Variants in CENPC observed in about 807,000 individuals in gnomAD.
CENPC encodes the protein CENP-C 1.
A neutral mutation model predicts 112.1 loss-of-function variants in CENPC; 63 were observed. The observed-to-expected ratio is 0.56, with a 90% confidence interval of 0.46 to 0.69. The LOEUF is 0.69. Ranked by LOEUF, CENPC falls within the 30% of genes least tolerant of loss-of-function variation. The probability of loss-of-function intolerance (pLI) is 0.00; values close to 1 mark genes in which losing one functional copy is unlikely to be tolerated. For synonymous variants in CENPC, 333 were observed against 367.6 expected (o/e 0.91, Z 1.08); for missense variants, 1,000 against 1,103.8 (o/e 0.91, Z 1.33).
At chr4:67,497,871 A>T (rs1725484717) in intron 12 of CENPC, among the ~76,000 whole-genome samples, 1 of 152,014 alleles carries the variant, frequency 6.6e-6, no homozygotes, top group Non-Finnish European at 1.5e-5. Context: ...TTAAATGTGC[A>T]AGAGCATTAT....
intron 12 of CENPC, among the ~76,000 whole-genome samples, chr4:67,496,018 A>G (rs1454360984): frequency 6.6e-6 from 1 of 152,226 alleles, no homozygotes; most frequent in Non-Finnish European, 1.5e-5. Flanking sequence ...CTGGGGCTTA[A>G]AAGGCTAAGT....
chr4:67,531,312 C>G (rs182922204), intron 4 of CENPC, among the ~76,000 whole-genome samples: 52 of 152,122 alleles, frequency 3.4e-4, no homozygotes, highest in African/African-American at 1.2e-3. Context: ...AAGTACATAA[C>G]AATCTTATCT....
At chr4:67,505,400 A>G in intron 11 of CENPC, 116 bp from the exon 12 acceptor site, 2 of 649,202 alleles carry the variant, frequency 3.1e-6, no homozygotes. Flanking sequence ...TATAAAACCA[A>G]TAGTGATGTT....
chr4:67,491,893 C>G (rs1725292894), intron 16 of CENPC, among the ~76,000 whole-genome samples: 1 of 152,156 alleles, frequency 6.6e-6, no homozygotes, highest in Non-Finnish European at 1.5e-5. Flanking sequence ...TCCTCCTGGT[C>G]AAAGAAGGCC....
In CENPC at chr4:67,508,863, C is replaced by T. The variant is rs369228189; in HGVS notation, c.1855G>A (p.Glu619Lys). Residue 619 changes from glutamate to lysine, a missense_variant, in exon 10 of 19, where the codon GAA becomes AAA. Physicochemically the swap from Glu to Lys is moderately conservative, Grantham distance 56 (BLOSUM62 1). Coordinates refer to ENST00000273853, the MANE Select transcript of CENPC (RefSeq NM_001812.4). The part of the protein sequence containing the change: ...ISRCSLSEPL[E>K]SDEADLAKKK... ...TTAGCCAAGTCTGCCTCATCACTTT[C>T]CAATGGCTCACTCAGCGAACATCTG... is the stretch of plus-strand genomic sequence containing the variant. The T allele has an allele frequency of 4.3e-6, 7 of 1,613,620 alleles. No individual in the cohort carries two copies. The highest frequency in any genetic ancestry group is 5.1e-6 in the Non-Finnish European group (6 of 1,179,722).
chr4:67,484,851 T>TGGGAGGCCTA (rs1159325428), intron 17 of CENPC, among the ~76,000 whole-genome samples: 5 of 152,194 alleles, frequency 3.3e-5, no homozygotes, highest in African/African-American at 9.6e-5. Flanking sequence ...CCCAGCACTT[T>TGGGAGGCCTA]GGGAGGCCTA....
intron 5 of CENPC, among the ~76,000 whole-genome samples, chr4:67,523,757 C>T (rs1036453288): frequency 1.3e-5 from 2 of 152,134 alleles, no homozygotes; most frequent in African/African-American, 4.8e-5. Flanking sequence ...GCACTCAGAT[C>T]TTGGTTTCTA....
At chr4:67,507,069 G>C in intron 10 of CENPC, 135 bp from the exon 11 acceptor site, 1 of 578,410 alleles carries the variant, frequency 1.7e-6, no homozygotes, top group Non-Finnish European at 2.8e-6. Flanking sequence ...TTCAGGTTCT[G>C]AGACTTGCAA....
chr4:67,541,138 A>G, intron 2 of CENPC, 88 bp from the exon 3 acceptor site: 1 of 800,074 alleles, frequency 1.2e-6, no homozygotes, highest in South Asian at 1.8e-5. Context: ...TCATTATAAA[A>G]TATAAATTTA....
chr4:67,512,744 G>A (rs1370502983), intron 8 of CENPC, among the ~76,000 whole-genome samples, 175 bp from the exon 9 acceptor site: 1 of 151,910 alleles, frequency 6.6e-6, no homozygotes, highest in African/African-American at 2.4e-5. Context: ...ATGTGCTGCT[G>A]AAGTAAGCAC....
chr4:67,482,571 G>GA (rs1173032193), intron 17 of CENPC, among the ~76,000 whole-genome samples: 1 of 152,180 alleles, frequency 6.6e-6, no homozygotes, highest in Non-Finnish European at 1.5e-5. Flanking sequence ...CCATAAAAAG[G>GA]AATGAAATAA....
chr4:67,506,047 G>A (rs1488462855), intron 11 of CENPC, among the ~76,000 whole-genome samples: 1 of 151,988 alleles, frequency 6.6e-6, no homozygotes, highest in East Asian at 1.9e-4. Context: ...TATGAACCCA[G>A]GATAAGCCTA....
At chr4:67,516,862 G>A (rs116726645) in intron 7 of CENPC, among the ~76,000 whole-genome samples, 2,597 of 152,062 alleles carry the variant, frequency 0.017, 51 homozygotes, top group Non-Finnish European at 0.024. Flanking sequence ...CAATCAAAAG[G>A]AAGAGCATAA....
In CENPC at chr4:67,490,342, G is replaced by T. The variant is rs573714709; in HGVS notation, c.2516-221C>A. 3.9e-5 allele frequency among the ~76,000 whole-genome samples: 6 copies of T among 152,168 alleles called. No individual in the cohort carries two copies. In the East Asian group the frequency reaches 1.2e-3, roughly 29 times the overall value. On this transcript the variant is annotated intron_variant, in intron 16 of 18. Coordinates refer to ENST00000273853, the MANE Select transcript of CENPC (RefSeq NM_001812.4). ...CAAGTTACTTAAGCTCTCTCTCACT[G>T]TGCCTCAATTTCCTTTTCGATAAAA...
chr4:67,498,803 T>C (rs355516), intron 12 of CENPC, among the ~76,000 whole-genome samples: 26,719 of 152,130 alleles, frequency 0.18, 3,260 homozygotes, highest in East Asian at 0.57. Context: ...CCTGTTAATA[T>C]TGATATTTTG....
intron 17 of CENPC, among the ~76,000 whole-genome samples, chr4:67,489,170 A>T (rs1361606215): frequency 2.0e-5 from 3 of 147,946 alleles, no homozygotes; most frequent in Non-Finnish European, 4.5e-5. Context: ...AATATTTTTT[A>T]TATATATAAA....
At chr4:67,478,217 C>CA (rs1230664981) in intron 17 of CENPC, among the ~76,000 whole-genome samples, 1 of 152,042 alleles carries the variant, frequency 6.6e-6, no homozygotes, top group African/African-American at 2.4e-5. Flanking sequence ...AAATTCATCG[C>CA]AAAAAGATCA....
At chr4:67,527,873 C>T (rs1257420155) in intron 5 of CENPC, among the ~76,000 whole-genome samples, 1 of 151,890 alleles carries the variant, frequency 6.6e-6, no homozygotes, top group African/African-American at 2.4e-5. Flanking sequence ...AAGACATAAA[C>T]TAAATTTACC....
intron 3 of CENPC, among the ~76,000 whole-genome samples, chr4:67,540,485 A>G (rs575350984): frequency 4.4e-4 from 67 of 152,304 alleles, no homozygotes; most frequent in African/African-American, 1.5e-3. Context: ...ACTAGCCAAC[A>G]TGGTGAAACC....
Sources: allele counts gnomAD v4.1 joint callset (sites outside exome capture counted in the v4.1 genomes callset), GRCh38; gene constraint gnomAD v4.1.1; transcripts MANE v1.5; gene names NCBI Gene and HGNC (gene_info 2026-07-23, HGNC 2026-07-21).